The following CRYBG3 variants were observed in gnomAD, a reference collection of about 807,000 sequenced individuals.
CRYBG3 encodes crystallin beta-gamma domain containing 3.
In CRYBG3, 127 loss-of-function variants were observed where a neutral mutation model predicts 244.2. The observed-to-expected ratio is 0.52, with a 90% CI of 0.45 to 0.60. The LOEUF (loss-of-function observed/expected upper bound fraction) is 0.60. Among genes scored for constraint, CRYBG3 ranks in the 20% least tolerant of loss-of-function variants. CRYBG3 has a pLI of 0.00. For missense variants in CRYBG3, 3,325 were observed against 3,442.5 expected, an observed-to-expected ratio of 0.97 and a Z score of 0.85; for synonymous variants, 1,132 against 1,195.8, an observed-to-expected ratio of 0.95 and a Z score of 1.10.
In CRYBG3 at chr3:97,944,767, G is replaced by A. The variant is rs2040313813; in HGVS notation, c.*1453G>A. 6.5e-6 allele frequency: 1 copy of A among 154,498 alleles called. No homozygotes were observed. The highest frequency in any genetic ancestry group is 1.4e-5 in the Non-Finnish European group (1 of 69,626). The allele number at this position is 154,498 out of a possible 1,614,324, so 9.6% of individuals were successfully genotyped here. On this transcript the variant is annotated 3_prime_UTR_variant, in exon 22 of 22. Transcript: ENST00000389622. ...TGGGCTTGTCTATACACAAAGGTAT[G>A]TATATTTTCATTATAAAAAACCAGT...
intron 19 of CRYBG3, among the ~76,000 whole-genome samples, chr3:97,938,748 A>G (rs1229673577): frequency 6.6e-6 from 1 of 152,004 alleles, no homozygotes. Context: ...ACAGTCTGAT[A>G]TGGCTCTGGC....
At chr3:97,825,673 A>G (rs1206923104) in intron 1 of CRYBG3, among the ~76,000 whole-genome samples, 1 of 152,176 alleles carries the variant, frequency 6.6e-6, no homozygotes, top group East Asian at 1.9e-4. Context: ...GGTCATTGGG[A>G]TAACTGAAAA....
intron 10 of CRYBG3, among the ~76,000 whole-genome samples, 185 bp downstream of exon 10, chr3:97,889,575 T>C (rs760230498): frequency 1.3e-5 from 2 of 152,102 alleles, no homozygotes; most frequent in Non-Finnish European, 2.9e-5. Flanking sequence ...TGGCTGTGAA[T>C]GGAGAGTGGG....
At position 97,864,359 on chromosome 3, in the gene CRYBG3, G is replaced by C; in HGVS notation, c.359G>C (p.Ser120Thr). The C allele has an allele frequency of 6.5e-7, 1 of 1,535,812 alleles. No individual in the cohort carries two copies. Among genetic ancestry groups the C allele is most frequent in the Non-Finnish European group, 8.7e-7 (1 of 1,146,764 alleles). The change falls in exon 3 of 22, where the codon AGC becomes ACC. Residue 120 changes from serine (S) to threonine (T), a missense_variant. By Grantham distance (58) the Ser-to-Thr change is moderately conservative (BLOSUM62 1). Coordinates refer to ENST00000389622, the MANE Select transcript of CRYBG3 (RefSeq NM_153605.4). ...IGESDRQPKE[S>T]FFQFLGNLFN... Reference sequence around the variant, plus strand: ...GAAAGTGACAGACAGCCAAAAGAAAGCTTTTTTCAGTTTCTTGGTAACTTA... The same window carrying C: ...GAAAGTGACAGACAGCCAAAAGAAACCTTTTTTCAGTTTCTTGGTAACTTA...
chr3:97,847,666 C>A (rs935325187), intron 2 of CRYBG3, among the ~76,000 whole-genome samples: 1 of 152,142 alleles, frequency 6.6e-6, no homozygotes, highest in Non-Finnish European at 1.5e-5. Flanking sequence ...ATTCTCCAAC[C>A]CAGGCCTCAA....
intron 1 of CRYBG3, among the ~76,000 whole-genome samples, chr3:97,832,746 G>T (rs2038671893): frequency 6.6e-6 from 1 of 152,104 alleles, no homozygotes. Flanking sequence ...AAGAGCTTCT[G>T]CACAGCAAAA....
intron 1 of CRYBG3, among the ~76,000 whole-genome samples, chr3:97,837,359 A>G (rs1268912530): frequency 6.6e-6 from 1 of 152,040 alleles, no homozygotes; most frequent in East Asian, 1.9e-4. Flanking sequence ...AATGAAGCTG[A>G]GGTAGAAGGG....
At chr3:97,889,229 A>T (rs1196508155) in intron 9 of CRYBG3, 126 bp from the exon 10 acceptor site, 1 of 739,152 alleles carries the variant, frequency 1.4e-6, no homozygotes, top group Non-Finnish European at 2.2e-6. Context: ...CACAATTTGA[A>T]TTTGACTGGT....
intron 15 of CRYBG3, among the ~76,000 whole-genome samples, chr3:97,909,721 A>G (rs1194592966): frequency 1.3e-5 from 2 of 151,600 alleles, no homozygotes; most frequent in Non-Finnish European, 2.9e-5. Context: ...GAGTAATTTG[A>G]TCGTCTGAAG....
chr3:97,829,861 G>A (rs192615938), intron 1 of CRYBG3, among the ~76,000 whole-genome samples: 4 of 152,140 alleles, frequency 2.6e-5, no homozygotes, highest in Non-Finnish European at 4.4e-5. Flanking sequence ...ACATGTAGGG[G>A]ACTGTAGGAG....
At chr3:97,896,145 G>A in intron 12 of CRYBG3, 60 bp downstream of exon 12, 2 of 1,470,460 alleles carry the variant, frequency 1.4e-6, no homozygotes, top group Non-Finnish European at 1.9e-6. Flanking sequence ...CACAAAAATT[G>A]GACATGACTC....
rs971603719 is a variant in CRYBG3 at position 97,873,455 on chromosome 3, A to G, written c.2261A>G (p.His754Arg). ...VLPGSEASGP[H>R]LTGLELLSFD... ...CCAGGTTCTGAAGCCAGTGGCCCTC[A>G]CTTAACTGGGTTGGAGCTATTGAGC... is the stretch of plus-strand genomic sequence containing the variant. Residue 754 changes from histidine to arginine, a missense_variant, in exon 4 of 22, where the codon CAC (histidine) becomes CGC (arginine). This residue lies in a region of CRYBG3 where 1,526 missense variants were observed against 1,443.2 expected (regional missense o/e 1.06). Coordinates refer to ENST00000389622, the MANE Select transcript of CRYBG3 (RefSeq NM_153605.4). The G allele has an allele frequency of 4.3e-5, 66 of 1,535,200 alleles. No individual in the cohort carries two copies. In the Middle Eastern group the frequency reaches 1.5e-3, roughly 35 times the overall value.
chr3:97,872,723 G>C lies in CRYBG3; in HGVS notation c.1529G>C (p.Gly510Ala). The C allele has an allele frequency of 2.0e-6, 3 of 1,535,948 alleles. No individual in the cohort carries two copies. The highest frequency in any genetic ancestry group is 1.7e-6 in the Non-Finnish European group (2 of 1,146,804). ...ACAGACACAGAATTTGTAAATGAAGGAAAGAGATTGTCTGCCCAAGACTCA... is the reference window on the plus strand; with the variant it reads ...ACAGACACAGAATTTGTAAATGAAGCAAAGAGATTGTCTGCCCAAGACTCA... ...AVTDTEFVNE[G>A]KRLSAQDSQK... is the part of the protein sequence containing the mutation. The change falls in exon 4 of 22, where the codon GGA becomes GCA. Residue 510 changes from glycine (G) to alanine (A), a missense_variant. Physicochemically the swap from Gly to Ala is moderately conservative, Grantham distance 60. Around this residue, in one of 4 missense-constraint regions of CRYBG3, gnomAD observed 1,526 missense variants for 1,443.2 expected, o/e 1.06. Transcript: ENST00000389622.
At chr3:97,863,976 C>G (rs571911106) in intron 2 of CRYBG3, among the ~76,000 whole-genome samples, 1 of 152,110 alleles carries the variant, frequency 6.6e-6, no homozygotes, top group Non-Finnish European at 1.5e-5. Flanking sequence ...ACTAGTTGCT[C>G]GTGCTCTGGG....
intron 12 of CRYBG3, among the ~76,000 whole-genome samples, chr3:97,897,210 T>G (rs1296748568): frequency 6.6e-6 from 1 of 151,994 alleles, no homozygotes; most frequent in Non-Finnish European, 1.5e-5. Flanking sequence ...TTGTTTATCC[T>G]AAATTAATGG....
chr3:97,908,709 A>C lies in CRYBG3; in HGVS notation c.8005-3458A>C, dbSNP rs2039809463. On this transcript the variant is annotated intron_variant, in intron 15 of 21. Transcript: ENST00000389622. ...GTCTTGACTCTTTATCCAATTTGCCAGTCTGTGTCTTTTAATTGGAGCATT... is the reference window on the plus strand; with the variant it reads ...GTCTTGACTCTTTATCCAATTTGCCCGTCTGTGTCTTTTAATTGGAGCATT... 2.6e-5 allele frequency among the ~76,000 whole-genome samples: 4 copies of C among 152,256 alleles called. No homozygotes were observed. The South Asian group carries it at 8.3e-4, about 32-fold the overall frequency.
At chr3:97,826,180 G>A (rs1576504369) in intron 1 of CRYBG3, among the ~76,000 whole-genome samples, 1 of 152,112 alleles carries the variant, frequency 6.6e-6, no homozygotes, top group African/African-American at 2.4e-5. Context: ...GCCTGTTGTA[G>A]GGTATCAAAA....
intron 2 of CRYBG3, among the ~76,000 whole-genome samples, chr3:97,848,005 G>T (rs1443745978): frequency 6.6e-6 from 1 of 152,098 alleles, no homozygotes; most frequent in Non-Finnish European, 1.5e-5. Context: ...AAGAATTGTA[G>T]CCCAAGACTA....
At position 97,851,151 on chromosome 3, in the gene CRYBG3, T is replaced by A. The variant is rs536730318; in HGVS notation, c.216+7890T>A. 2.7e-4 allele frequency among the ~76,000 whole-genome samples: 37 copies of A among 139,180 alleles called. No individual in the cohort carries two copies. In the South Asian group the frequency reaches 3.2e-3, roughly 12 times the overall value. The allele number at this position is 139,180 out of a possible 152,430, so 91.3% of individuals were successfully genotyped here. On this transcript the variant is annotated intron_variant, in intron 2 of 21. Coordinates refer to ENST00000389622, the MANE Select transcript of CRYBG3 (RefSeq NM_153605.4). ...GTCTCCAAAAAAAAAAAAAAAAAAA[T>A]TTTAGCATCATTTAAGCTGTAATTC...
Sources: allele counts gnomAD v4.1 joint callset (sites outside exome capture counted in the v4.1 genomes callset), GRCh38; gene constraint gnomAD v4.1.1; regional missense constraint gnomAD v4.1.1; transcripts MANE v1.5; gene names NCBI Gene and HGNC (gene_info 2026-07-23, HGNC 2026-07-21).